Variants in PLXNA1 observed in about 807,000 individuals in gnomAD.
PLXNA1 encodes plexin-A1.
PLXNA1 carries 77 observed loss-of-function variants against 191.7 expected under a neutral mutation model. The observed-to-expected ratio is 0.40, with a 90% CI of 0.33 to 0.49. The LOEUF (loss-of-function observed/expected upper bound fraction) is 0.49, where lower values mean the gene tolerates loss of function less well. Among genes scored for constraint, PLXNA1 ranks in the 20% least tolerant of loss-of-function variants. PLXNA1 has a pLI of 0.63. For missense variants in PLXNA1, 2,110 were observed against 2,660.2 expected (o/e 0.79, Z 4.55); for synonymous variants, 1,137 against 1,156.4 (o/e 0.98, Z 0.34).
intron 3 of PLXNA1, among the ~76,000 whole-genome samples, chr3:126,999,649 C>G (rs1050492031): frequency 6.6e-6 from 1 of 152,354 alleles, no homozygotes; most frequent in South Asian, 2.1e-4. Flanking sequence ...TGGCCGGGCC[C>G]TCAGCTGCCC....
At chr3:127,009,074 G>A (rs1307339992) in intron 9 of PLXNA1, among the ~76,000 whole-genome samples, 4 of 152,132 alleles carry the variant, frequency 2.6e-5, no homozygotes, top group Admixed American at 2.6e-4. Context: ...CTGGTCCTGG[G>A]GGCCTCTCGG....
At chr3:127,029,615 G>A in intron 27 of PLXNA1, 79 bp downstream of exon 27, 2 of 1,461,350 alleles carry the variant, frequency 1.4e-6, no homozygotes, top group South Asian at 2.3e-5. Flanking sequence ...CTCCCACGCT[G>A]CAGCAGCCGG....
At chr3:126,993,552 C>A (rs1266496690) in intron 3 of PLXNA1, among the ~76,000 whole-genome samples, 1 of 152,192 alleles carries the variant, frequency 6.6e-6, no homozygotes, top group East Asian at 1.9e-4. Context: ...GCCCCAAGTT[C>A]TCCTCAGAGG....
At position 127,029,903 on chromosome 3, in the gene PLXNA1, G is replaced by A; in HGVS notation, c.4900G>A (p.Asp1634Asn). The change falls in exon 28 of 32, where the codon GAC becomes AAC. Residue 1634 changes from aspartate to asparagine, a missense_variant. Physicochemically the swap from Asp to Asn is conservative, Grantham distance 23. Coordinates refer to ENST00000393409, the MANE Select transcript of PLXNA1 (RefSeq NM_032242.4). ...CATGCTGCGCACGGCCAGCAGCCCC[G>A]ACAGCCTGCGCTCGCGCACGCCCAT... ...ESMLRTASSP[D>N]SLRSRTPMIT... 3.1e-6 allele frequency: 5 copies of A among 1,611,866 alleles called. No homozygotes were observed. Among genetic ancestry groups the A allele is most frequent in the Non-Finnish European group, 4.2e-6 (5 of 1,178,908 alleles).
Position 127,015,311 on chromosome 3 carries a change from C to T in PLXNA1, c.3005C>T (p.Ser1002Phe), listed in dbSNP as rs1442079526. Residue 1002 changes from serine (S) to phenylalanine (F), a missense_variant, in exon 15 of 32, where the codon TCC (serine) becomes TTC (phenylalanine). By Grantham distance (155) the Ser-to-Phe change is radical. This residue lies in a region of PLXNA1 where 644 missense variants were observed against 714.3 expected (regional missense o/e 0.90). Transcript: ENST00000393409. ...VAVSVGGRPC[S>F]FSWRNSREIR... The stretch of plus-strand genomic sequence containing the variant: ...GTGTCGGTCGGTGGCCGGCCCTGCT[C>T]CTTCTCCTGGTACGGGGTGCAGGTG... 1.9e-6 allele frequency: 3 copies of T among 1,606,210 alleles called. No individual in the cohort carries two copies. Among genetic ancestry groups the T allele is most frequent in the Non-Finnish European group, 2.5e-6 (3 of 1,178,204 alleles).
Position 127,028,202 on chromosome 3 carries a change from G to A in PLXNA1, c.4531G>A (p.Glu1511Lys). ...GCAGACCCTGAACTGTGTGAACCCT[G>A]AGAATGAGAATGCACCTGAGGTGCC... ...KTLTLNCVNP[E>K]NENAPEVPVK... Residue 1511 changes from glutamate (E) to lysine (K), a missense_variant, in exon 25 of 32, where the codon GAG (glutamate) becomes AAG (lysine). Coordinates refer to ENST00000393409, the MANE Select transcript of PLXNA1 (RefSeq NM_032242.4). The A allele has an allele frequency of 6.2e-7, 1 of 1,613,200 alleles. No individual in the cohort carries two copies. Among genetic ancestry groups the A allele is most frequent in the South Asian group, 1.1e-5 (1 of 91,080 alleles).
Position 127,012,071 on chromosome 3 carries a change from T to C in PLXNA1, c.2226T>C (p.Tyr742=). 6.2e-7 allele frequency: 1 copy of C among 1,613,818 alleles called. No individual in the cohort carries two copies. Among genetic ancestry groups the C allele is most frequent in the Non-Finnish European group, 8.5e-7 (1 of 1,180,034 alleles). The change falls in exon 10 of 32, where the codon TAT becomes TAC. Residue 742 remains tyrosine (Y), a synonymous_variant. Coordinates refer to ENST00000393409, the MANE Select transcript of PLXNA1 (RefSeq NM_032242.4). ...LPQPQSGQRG[Y]ECLFHIPGSP... is the part of the protein sequence containing the mutation. ...AGCCACAGTCAGGCCAGCGTGGATA[T>C]GAGTGCCTCTTCCACATCCCGGGCA...
In PLXNA1 at chr3:127,015,334, G is replaced by A; in HGVS notation, c.3014+14G>A. 6.3e-7 allele frequency: 1 copy of A among 1,588,308 alleles called. No homozygotes were observed. The highest frequency in any genetic ancestry group is 8.5e-7 in the Non-Finnish European group (1 of 1,170,632). The stretch of plus-strand genomic sequence containing the variant: ...CTCCTTCTCCTGGTACGGGGTGCAG[G>A]TGGGGGTGGGGGCCTGGCTGCCCCT... On this transcript the variant is annotated intron_variant, in intron 15 of 31. Coordinates refer to ENST00000393409, the MANE Select transcript of PLXNA1 (RefSeq NM_032242.4).
At position 127,004,696 on chromosome 3, in the gene PLXNA1, G is replaced by A. The variant is rs763836960; in HGVS notation, c.1604G>A (p.Cys535Tyr). Residue 535 changes from cysteine to tyrosine, a missense_variant, in exon 5 of 32, where the codon TGT becomes TAT. By Grantham distance (194) the Cys-to-Tyr change is radical. Around this residue, in one of 4 missense-constraint regions of PLXNA1, gnomAD observed 903 missense variants for 1,015.7 expected, o/e 0.89. Coordinates refer to ENST00000393409, the MANE Select transcript of PLXNA1 (RefSeq NM_032242.4). ...LGSRDPHCGW[C>Y]VLHSICSRRD... ...TCACGGGACCCCCACTGTGGCTGGT[G>A]TGTCCTGCACAGCATGTGAGTCTGG... 1 of 1,588,856 alleles carries A rather than the reference G, an allele frequency of 6.3e-7. No homozygotes were observed. Among genetic ancestry groups the A allele is most frequent in the Non-Finnish European group, 8.6e-7 (1 of 1,168,476 alleles).
chr3:127,032,382 T>G lies in PLXNA1; in HGVS notation c.5232-5T>G. The G allele has an allele frequency of 6.2e-7, 1 of 1,613,440 alleles. No individual in the cohort carries two copies. The highest frequency in any genetic ancestry group is 1.1e-5 in the South Asian group (1 of 91,064). ...TCTGAGCAGCGCCTGGACTCTCGCC[T>G]GCAGCCTGCCCCTGCGCTTCTGGGT... On this transcript the variant is annotated splice_region_variant and splice_polypyrimidine_tract_variant and intron_variant, in intron 29 of 31. Coordinates refer to ENST00000393409, the MANE Select transcript of PLXNA1 (RefSeq NM_032242.4).
At chr3:126,997,601 G>A (rs935843817) in intron 3 of PLXNA1, among the ~76,000 whole-genome samples, 10 of 152,250 alleles carry the variant, frequency 6.6e-5, no homozygotes, top group Non-Finnish European at 1.3e-4. Flanking sequence ...GCCGACATCT[G>A]TGCTTCCTGG....
At chr3:127,010,561 G>A (rs2079090407) in intron 9 of PLXNA1, among the ~76,000 whole-genome samples, 1 of 152,218 alleles carries the variant, frequency 6.6e-6, no homozygotes, top group African/African-American at 2.4e-5. Flanking sequence ...GGGCAGGGGT[G>A]GCGAGGGGAC....
intron 4 of PLXNA1, 101 bp from the exon 5 acceptor site, chr3:127,004,510 C>A (rs367570673): frequency 1.2e-6 from 1 of 819,574 alleles, no homozygotes; most frequent in South Asian, 1.6e-5. Context: ...AAGTGCAGGG[C>A]CTCCCCGGGC....
chr3:127,024,940 T>C (rs1304544261), intron 23 of PLXNA1, among the ~76,000 whole-genome samples: 1 of 152,136 alleles, frequency 6.6e-6, no homozygotes, highest in Non-Finnish European at 1.5e-5. Flanking sequence ...TCCAGATTCA[T>C]AGTAAAATTG....
Position 127,032,770 on chromosome 3 carries a change from G to A in PLXNA1, c.5529G>A (p.Leu1843=), listed in dbSNP as rs770149133. ...TGGCTGAGCAGTCCCGCCTGCACCT[G>A]AGCCAGTTCAACAGCATGAGCGCCT... The part of the protein sequence containing the change: ...AYLAEQSRLH[L]SQFNSMSALH... The change falls in exon 31 of 32, where the codon CTG becomes CTA. Residue 1843 remains leucine (L), a synonymous_variant. Coordinates refer to ENST00000393409, the MANE Select transcript of PLXNA1 (RefSeq NM_032242.4). The A allele has an allele frequency of 7.4e-6, 12 of 1,613,490 alleles. No homozygotes were observed. Among genetic ancestry groups the A allele is most frequent in the Non-Finnish European group, 1.0e-5 (12 of 1,180,028 alleles).
chr3:126,993,291 C>T (rs1214849358), intron 3 of PLXNA1, among the ~76,000 whole-genome samples: 2 of 152,208 alleles, frequency 1.3e-5, no homozygotes, highest in African/African-American at 4.8e-5. Flanking sequence ...TCTACCAACT[C>T]TTCCCCTTCT....
chr3:126,984,003 CT>C (rs1357329915), intron 1 of PLXNA1, among the ~76,000 whole-genome samples: 2 of 152,178 alleles, frequency 1.3e-5, no homozygotes, highest in African/African-American at 4.8e-5. Context: ...CTCGGGCCTC[CT>C]TGGCCTCCCC....
rs777476595 is a variant in PLXNA1 at position 127,030,415 on chromosome 3, A to G, written c.5231+3A>G. The G allele has an allele frequency of 1.3e-5, 21 of 1,613,550 alleles. No homozygotes were observed. In the East Asian group the frequency reaches 4.0e-4, roughly 31 times the overall value. ...CGCCACACCTGGAAGAGCAACTGGT[A>G]ATGCAGGGCAGGGGGAGGAGGGGCA... is the stretch of plus-strand genomic sequence containing the variant. On this transcript the variant is annotated splice_donor_region_variant and intron_variant, in intron 29 of 31. Coordinates refer to ENST00000393409, the MANE Select transcript of PLXNA1 (RefSeq NM_032242.4).
chr3:126,994,637 C>T (rs780883432), intron 3 of PLXNA1, among the ~76,000 whole-genome samples: 3 of 152,178 alleles, frequency 2.0e-5, no homozygotes, highest in Non-Finnish European at 4.4e-5. Context: ...GCTTGCTCCC[C>T]GCTGGCCACA....
Sources: allele counts gnomAD v4.1 joint callset (sites outside exome capture counted in the v4.1 genomes callset), GRCh38; gene constraint gnomAD v4.1.1; regional missense constraint gnomAD v4.1.1; transcripts MANE v1.5; gene names NCBI Gene and HGNC (gene_info 2026-07-23, HGNC 2026-07-21).